LEF1: variants seen among roughly 807,000 people sequenced by gnomAD.
LEF1 encodes lymphoid enhancer binding factor 1.
A neutral mutation model predicts 51.2 loss-of-function variants in LEF1; 14 were observed. That is an observed-to-expected ratio of 0.27 (90% CI 0.18 to 0.43). The LOEUF is 0.43. Among genes scored for constraint, LEF1 ranks in the 20% least tolerant of loss-of-function variants. The pLI is 1.00. For synonymous variants in LEF1, 185 were observed against 183.2 expected (o/e 1.01, Z -0.08); for missense variants, 386 against 512.0 (o/e 0.75, Z 2.37).
At chr4:108,113,488 T>C (rs1578358736) in intron 3 of LEF1, among the ~76,000 whole-genome samples, 1 of 151,916 alleles carries the variant, frequency 6.6e-6, no homozygotes. Flanking sequence ...AGTTAGGGAG[T>C]ACCCACCCTG....
At chr4:108,102,731 G>C (rs532561196) in intron 3 of LEF1, among the ~76,000 whole-genome samples, 2 of 152,254 alleles carry the variant, frequency 1.3e-5, no homozygotes, top group East Asian at 3.9e-4. Flanking sequence ...CAGTGGTCTG[G>C]ATTCTAAGTC....
chr4:108,057,887 TC>T (rs1211112013), intron 11 of LEF1, among the ~76,000 whole-genome samples: 8 of 151,032 alleles, frequency 5.3e-5, no homozygotes, highest in Non-Finnish European at 8.9e-5. Flanking sequence ...TTTTTTTTTT[TC>T]CCCGAGACGG....
At chr4:108,153,137 A>G (rs1744457542) in intron 3 of LEF1, among the ~76,000 whole-genome samples, 1 of 152,086 alleles carries the variant, frequency 6.6e-6, no homozygotes, top group Admixed American at 6.5e-5. Flanking sequence ...TGCACTCTCT[A>G]CAAGGAAGGA....
At chr4:108,104,578 T>C (rs1741034261) in intron 3 of LEF1, 1 of 424,372 alleles carries the variant, frequency 2.4e-6, no homozygotes, top group African/African-American at 2.2e-5. Context: ...CAAGCTAAAA[T>C]TGGGATGCTA....
Position 108,123,448 on chromosome 4 carries a change from T to TG in LEF1, c.415-34192_415-34191insC, listed in dbSNP as rs1742305812. 3.3e-5 allele frequency among the ~76,000 whole-genome samples: 5 copies of TG among 149,322 alleles called. No homozygotes were observed. The South Asian group carries it at 1.1e-3, about 32-fold the overall frequency. ...CTAGGGTTGGTTTTTTTTTTTTTTT[T>TG]TTTTTTTTTTTAAACCTATTAGTCT... On this transcript the variant is annotated intron_variant, in intron 3 of 11. Transcript: ENST00000265165.
chr4:108,054,465 A>G (rs1737197192), intron 11 of LEF1, among the ~76,000 whole-genome samples: 1 of 152,224 alleles, frequency 6.6e-6, no homozygotes, highest in African/African-American at 2.4e-5. Flanking sequence ...TCCTTCAGAC[A>G]GAACTGAAAT....
chr4:108,164,945 A>G (rs1288535407), intron 2 of LEF1, 152 bp downstream of exon 2: 4 of 631,132 alleles, frequency 6.3e-6, no homozygotes, highest in Admixed American at 2.9e-5. Context: ...GAGGTAAGCC[A>G]TAAGTTTCCT....
chr4:108,077,616 G>A (rs1401185449), intron 8 of LEF1, among the ~76,000 whole-genome samples: 11 of 120,338 alleles, frequency 9.1e-5, no homozygotes, highest in Admixed American at 1.6e-4. Context: ...CTGCCGCCCC[G>A]TCTGGGAAGT....
At chr4:108,064,077 A>C (rs1166643812) in intron 10 of LEF1, among the ~76,000 whole-genome samples, 1 of 152,188 alleles carries the variant, frequency 6.6e-6, no homozygotes, top group Non-Finnish European at 1.5e-5. Flanking sequence ...TAAAACAAAC[A>C]AACAAACAAA....
Position 108,167,350 on chromosome 4 carries a change from CTACACACA to C in LEF1, c.213+197_213+204del. 8.9e-6 allele frequency among the ~76,000 whole-genome samples: 1 copy of C among 112,116 alleles called. No individual in the cohort carries two copies. Among genetic ancestry groups the C allele is most frequent in the South Asian group, 2.9e-4 (1 of 3,448 alleles). The allele number at this position is 112,116 out of a possible 152,430, so 73.6% of individuals were successfully genotyped here. A position where few individuals can be genotyped will look rare whatever the true frequency, so the allele number is the denominator to read the frequency against. On this transcript the variant is annotated intron_variant, in intron 1 of 11. Coordinates refer to ENST00000265165, the MANE Select transcript of LEF1 (RefSeq NM_016269.5). The surrounding 1 kb of genome is among the most constrained non-coding windows in gnomAD (Gnocchi z 5.7). ...TTACCCTGCCCCTCTACCTCCCATCCTACACACACACACACACACACACACACACACAC... is the reference window on the plus strand; with the variant it reads ...TTACCCTGCCCCTCTACCTCCCATCCCACACACACACACACACACACACAC...
At chr4:108,060,405 A>G (rs970252345) in intron 11 of LEF1, among the ~76,000 whole-genome samples, 2 of 152,208 alleles carry the variant, frequency 1.3e-5, no homozygotes, top group Admixed American at 6.5e-5. Flanking sequence ...CAGGGATCTC[A>G]GAGGACGCTG....
intron 3 of LEF1, among the ~76,000 whole-genome samples, chr4:108,158,401 G>T (rs1406409040): frequency 6.7e-6 from 1 of 149,288 alleles, no homozygotes; most frequent in African/African-American, 2.4e-5. Context: ...AGTTTTAAAT[G>T]AACATTCCCT....
intron 6 of LEF1, among the ~76,000 whole-genome samples, chr4:108,081,210 C>A (rs1270327378): frequency 2.6e-5 from 4 of 152,162 alleles, no homozygotes; most frequent in Non-Finnish European, 4.4e-5. Flanking sequence ...AGAGCTGAGA[C>A]CAAACCAGTT....
chr4:108,165,066 A>C (rs749486724), intron 2 of LEF1, 31 bp downstream of exon 2: 3 of 1,603,430 alleles, frequency 1.9e-6, no homozygotes. Flanking sequence ...CTTATCTGCT[A>C]AAGTCAGAAG....
At chr4:108,082,734 C>G (rs368532473) in intron 5 of LEF1, among the ~76,000 whole-genome samples, 1 of 152,194 alleles carries the variant, frequency 6.6e-6, no homozygotes, top group Non-Finnish European at 1.5e-5. Context: ...ATTTCCTTCA[C>G]CTTCATAATT....
intron 8 of LEF1, among the ~76,000 whole-genome samples, chr4:108,077,177 A>C (rs985173864): frequency 2.1e-5 from 3 of 144,158 alleles, no homozygotes; most frequent in African/African-American, 8.2e-5. Flanking sequence ...CATCTCTACA[A>C]AATTTTTTTT....
chr4:108,082,970 A>T (rs3797000), intron 5 of LEF1, among the ~76,000 whole-genome samples: 2 of 152,126 alleles, frequency 1.3e-5, no homozygotes, highest in East Asian at 3.9e-4. Flanking sequence ...TTACAAGTAA[A>T]GGTAGATATT....
intron 3 of LEF1, among the ~76,000 whole-genome samples, chr4:108,095,008 A>G (rs141561180): frequency 1.2e-4 from 18 of 152,300 alleles, no homozygotes; most frequent in African/African-American, 4.1e-4. Flanking sequence ...GACCTCAGAA[A>G]CAAGGTACTG....
chr4:108,128,841 T>C (rs1742700053), intron 3 of LEF1, among the ~76,000 whole-genome samples: 1 of 152,176 alleles, frequency 6.6e-6, no homozygotes, highest in African/African-American at 2.4e-5. Flanking sequence ...ATATATTTCC[T>C]TTGTTGTTGG....
Sources: allele counts gnomAD v4.1 joint callset (sites outside exome capture counted in the v4.1 genomes callset), GRCh38; gene constraint gnomAD v4.1.1; non-coding constraint Gnocchi (gnomAD v3.1); transcripts MANE v1.5; gene names NCBI Gene and HGNC (gene_info 2026-07-23, HGNC 2026-07-21).